RANBP2: variants seen among roughly 807,000 people sequenced by gnomAD.
RANBP2 encodes the protein RAN binding protein 2.
In RANBP2, 57 loss-of-function variants were observed where a neutral mutation model predicts 303.6. The observed-to-expected ratio is 0.19, with a 90% CI of 0.15 to 0.23. The LOEUF (loss-of-function observed/expected upper bound fraction) is 0.23. Among genes scored for constraint, RANBP2 ranks in the 10% least tolerant of loss-of-function variants. The pLI is 1.00. For missense variants in RANBP2, 3,138 were observed against 3,780.8 expected (o/e 0.83, Z 4.46); for synonymous variants, 1,167 against 1,301.5 (o/e 0.90, Z 2.23).
At chr2:109,379,433 C>CA in the RANBP2 span, among the ~76,000 whole-genome samples, 1 of 152,170 alleles carries the variant, frequency 6.6e-6, no homozygotes, top group East Asian at 1.9e-4. Context: ...GAGCCCCTCG[C>CA]ATGTTTGTTT....
At chr2:109,474,447 C>A in the RANBP2 span, among the ~76,000 whole-genome samples, 3 of 152,174 alleles carry the variant, frequency 2.0e-5, no homozygotes, top group Non-Finnish European at 4.4e-5. Flanking sequence ...CAGCTCGCTA[C>A]TGATGGGAAC....
At chr2:108,979,478 C>T in the RANBP2 span, among the ~76,000 whole-genome samples, 3 of 151,722 alleles carry the variant, frequency 2.0e-5, no homozygotes, top group East Asian at 5.9e-4. Context: ...CACACACACA[C>T]ACACACACAC....
At chr2:109,126,370 G>A in the RANBP2 span, among the ~76,000 whole-genome samples, 1 of 152,216 alleles carries the variant, frequency 6.6e-6, no homozygotes, top group African/African-American at 2.4e-5. Flanking sequence ...CAGAGATGTG[G>A]CGGTGAGCTT....
At chr2:109,105,034 G>T in the RANBP2 span, among the ~76,000 whole-genome samples, 1 of 152,178 alleles carries the variant, frequency 6.6e-6, no homozygotes, top group Non-Finnish European at 1.5e-5. Context: ...CCCTGCCAAG[G>T]AATGTTGGTG....
At chr2:109,402,105 A>G in the RANBP2 span, among the ~76,000 whole-genome samples, 5 of 152,330 alleles carry the variant, frequency 3.3e-5, no homozygotes, top group Admixed American at 2.6e-4. Context: ...TGAGCTGTGT[A>G]TGCTGCCCCT....
the RANBP2 span, among the ~76,000 whole-genome samples, chr2:109,620,120 G>A: frequency 2.0e-3 from 302 of 152,290 alleles, 2 homozygotes; most frequent in African/African-American, 7.1e-3. Flanking sequence ...TGTGACAAAT[G>A]TTCTACCCTT....
chr2:108,757,919 C>G (rs1484863373), intron 17 of RANBP2, among the ~76,000 whole-genome samples: 3 of 152,078 alleles, frequency 2.0e-5, no homozygotes, highest in Non-Finnish European at 4.4e-5. Flanking sequence ...AAAATGGGAG[C>G]AGATAAATTT....
At chr2:108,977,847 A>G in the RANBP2 span, among the ~76,000 whole-genome samples, 3 of 152,214 alleles carry the variant, frequency 2.0e-5, no homozygotes, top group Admixed American at 2.0e-4. Context: ...TCTGGTTCAC[A>G]CACTTTTTAA....
the RANBP2 span, among the ~76,000 whole-genome samples, chr2:108,843,607 T>C: frequency 1.3e-5 from 2 of 152,214 alleles, no homozygotes; most frequent in Non-Finnish European, 2.9e-5. Flanking sequence ...CAATTCTTTC[T>C]GCCCTCCATG....
chr2:108,849,590 C>T, the RANBP2 span, among the ~76,000 whole-genome samples: 234 of 152,242 alleles, frequency 1.5e-3, no homozygotes, highest in African/African-American at 3.6e-3. Context: ...TTGTTGTGAA[C>T]GATTCTTTCT....
chr2:109,598,791 A>T, the RANBP2 span, among the ~76,000 whole-genome samples: 1 of 152,188 alleles, frequency 6.6e-6, no homozygotes, highest in Non-Finnish European at 1.5e-5. Context: ...GAGGCAGGAG[A>T]ACTGCTTGAA....
At chr2:109,196,555 C>T in the RANBP2 span, among the ~76,000 whole-genome samples, 21 of 152,274 alleles carry the variant, frequency 1.4e-4, no homozygotes, top group East Asian at 5.8e-4. Context: ...GTGGGTTTGT[C>T]GTCCTGCAAG....
the RANBP2 span, among the ~76,000 whole-genome samples, chr2:109,123,315 TTTCTTTCCTTCCTTCCTTCCTTCC>T: frequency 2.8e-5 from 4 of 140,414 alleles, no homozygotes; most frequent in Non-Finnish European, 6.3e-5. Flanking sequence ...GTGGCTTTTC[TTTCTTTCCTTCCTTCCTTCCTTCC>T]TTCCTTCCTT....
At chr2:109,699,605 A>T in the RANBP2 span, among the ~76,000 whole-genome samples, 2 of 152,248 alleles carry the variant, frequency 1.3e-5, no homozygotes, top group Non-Finnish European at 1.5e-5. Context: ...GAAGCAGATC[A>T]TCATAAAGGT....
At chr2:109,400,484 C>T in the RANBP2 span, among the ~76,000 whole-genome samples, 27 of 152,046 alleles carry the variant, frequency 1.8e-4, no homozygotes, top group African/African-American at 6.3e-4. Flanking sequence ...CACACACATG[C>T]GTACAGGTGC....
chr2:109,590,196 C>T, the RANBP2 span, among the ~76,000 whole-genome samples: 1 of 151,894 alleles, frequency 6.6e-6, no homozygotes, highest in South Asian at 2.1e-4. Flanking sequence ...AGTAGACTTA[C>T]AGGTTGGGGT....
At chr2:109,149,690 A>G in the RANBP2 span, among the ~76,000 whole-genome samples, 1 of 152,234 alleles carries the variant, frequency 6.6e-6, no homozygotes. Flanking sequence ...TGCAGAGAGC[A>G]AGATAGTCTG....
chr2:109,538,418 C>T, the RANBP2 span, among the ~76,000 whole-genome samples: 133 of 152,340 alleles, frequency 8.7e-4, no homozygotes, highest in Non-Finnish European at 1.5e-3. Context: ...GGCCATTATT[C>T]GCCGACCACA....
At chr2:109,133,231 C>T in the RANBP2 span, among the ~76,000 whole-genome samples, 2 of 152,280 alleles carry the variant, frequency 1.3e-5, no homozygotes, top group African/African-American at 4.8e-5. Context: ...TAGGCAGTGC[C>T]TTTGATGATA....
Sources: gnomAD v4.1 joint callset for allele counts (sites outside exome capture counted in the v4.1 genomes callset) on GRCh38, gnomAD v4.1.1 for gene constraint, MANE v1.5 for transcripts, NCBI Gene and HGNC (gene_info 2026-07-23, HGNC 2026-07-21) for gene names.